The following R3HDM2 variants were observed in gnomAD, a reference collection of about 807,000 sequenced individuals.
The protein encoded by R3HDM2 is R3H domain containing 2, also known as R3H domain-containing protein 2.
In R3HDM2, 38 loss-of-function variants were observed where a neutral mutation model predicts 124.5. That is an observed-to-expected ratio of 0.31 (90% confidence interval 0.24 to 0.40). The LOEUF is 0.40. R3HDM2 is among the 10% of genes least tolerant of loss of function. The pLI is 1.00. For synonymous variants in R3HDM2, 391 were observed against 448.0 expected, an observed-to-expected ratio of 0.87 and a Z score of 1.61; for missense variants, 869 against 1,236.9, an observed-to-expected ratio of 0.70 and a Z score of 4.46.
rs183316672 is a variant in R3HDM2 at position 57,317,212 on chromosome 12, T to G, written c.-35-6749A>C. On this transcript the variant is annotated intron_variant, in intron 2 of 23. Transcript: ENST00000402412. Reference sequence around the variant, plus strand: ...TGTTTTTTTTTGTTTGTTTTTTTGTTTTTTTTTTGAGACAGGGTCTCAGTC... The same window carrying G: ...TGTTTTTTTTTGTTTGTTTTTTTGTGTTTTTTTTGAGACAGGGTCTCAGTC... Among the ~76,000 whole-genome samples the G allele has an allele frequency of 3.5e-4, 53 of 151,148 alleles. 1 individual carries two copies. The East Asian group carries it at 9.5e-3, about 27-fold the overall frequency.
At chr12:57,310,561 CT>C (rs918610493) in intron 2 of R3HDM2, 98 bp from the exon 3 acceptor site, 3 of 560,956 alleles carry the variant, frequency 5.3e-6, no homozygotes, top group Non-Finnish European at 8.0e-6. Flanking sequence ...TTCCAGCAGC[CT>C]TCCTTTAACC....
At chr12:57,289,325 A>ACC (rs1308949502) in intron 11 of R3HDM2, among the ~76,000 whole-genome samples, 3 of 152,242 alleles carry the variant, frequency 2.0e-5, no homozygotes, top group Non-Finnish European at 4.4e-5. Flanking sequence ...GAAAGTATTA[A>ACC]CCTAATTATT....
intron 2 of R3HDM2, among the ~76,000 whole-genome samples, chr12:57,317,102 A>C (rs1015530085): frequency 2.0e-5 from 3 of 151,260 alleles, no homozygotes; most frequent in Non-Finnish European, 4.4e-5. Flanking sequence ...GCCTGGTCTC[A>C]ATCTCTTGAC....
At position 57,372,469 on chromosome 12, in the gene R3HDM2, G is replaced by A. The variant is rs74498496; in HGVS notation, c.-36+23280C>T. Reference sequence around the variant, plus strand: ...TGGATTTCTGTCAACAAATTCCCAAGCTCTTTGCAATAAAGGGTGCTGCTG... The same window carrying A: ...TGGATTTCTGTCAACAAATTCCCAAACTCTTTGCAATAAAGGGTGCTGCTG... On this transcript the variant is annotated intron_variant, in intron 2 of 23. Transcript: ENST00000402412. 9.7e-3 allele frequency among the ~76,000 whole-genome samples: 1,480 copies of A among 152,262 alleles called. 27 individuals are homozygous for A. The highest frequency in any genetic ancestry group is 0.034 in the African/African-American group (1,416 of 41,564).
intron 4 of R3HDM2, among the ~76,000 whole-genome samples, chr12:57,300,784 G>A (rs1592952217): frequency 6.6e-6 from 1 of 152,090 alleles, no homozygotes. Context: ...AGATGCCAAG[G>A]GTTTGGAAAG....
chr12:57,341,940 A>C (rs2059607011), intron 2 of R3HDM2, among the ~76,000 whole-genome samples: 1 of 152,230 alleles, frequency 6.6e-6, no homozygotes, highest in Non-Finnish European at 1.5e-5. Context: ...GAATAGTGTA[A>C]AAGTTCTAGC....
chr12:57,390,893 T>C (rs1428341967), intron 2 of R3HDM2, among the ~76,000 whole-genome samples: 1 of 151,712 alleles, frequency 6.6e-6, no homozygotes, highest in Non-Finnish European at 1.5e-5. Flanking sequence ...TTGCCTGTGA[T>C]CCCAGCTTTT....
intron 1 of R3HDM2, among the ~76,000 whole-genome samples, chr12:57,426,661 ATC>A (rs2070767247): frequency 6.6e-6 from 1 of 152,106 alleles, no homozygotes; most frequent in Non-Finnish European, 1.5e-5. Context: ...GCCACAATAA[ATC>A]TGAGATAAGA....
chr12:57,374,743 T>C (rs2063817050), intron 2 of R3HDM2, among the ~76,000 whole-genome samples: 4 of 129,176 alleles, frequency 3.1e-5, no homozygotes, highest in South Asian at 5.5e-4. Flanking sequence ...CCTGTAATAC[T>C]AGCACTTTGA....
intron 4 of R3HDM2, among the ~76,000 whole-genome samples, chr12:57,302,281 A>C (rs2051375636): frequency 6.6e-6 from 1 of 151,772 alleles, no homozygotes; most frequent in Admixed American, 6.6e-5. Flanking sequence ...TCTCAAAAAG[A>C]AAAGAAAAGA....
At chr12:57,262,107 AG>A (rs2041022734) in intron 19 of R3HDM2, among the ~76,000 whole-genome samples, 1 of 152,202 alleles carries the variant, frequency 6.6e-6, no homozygotes, top group African/African-American at 2.4e-5. Flanking sequence ...ATCTATGGAA[AG>A]GAATTGTTTG....
intron 2 of R3HDM2, among the ~76,000 whole-genome samples, chr12:57,349,241 G>A (rs2060398694): frequency 6.6e-6 from 1 of 151,172 alleles, no homozygotes; most frequent in East Asian, 2.0e-4. Context: ...TTAGCCGGGC[G>A]TGGTGGCAGG....
intron 3 of R3HDM2, among the ~76,000 whole-genome samples, chr12:57,306,445 T>C (rs1170519696): frequency 2.6e-5 from 4 of 151,906 alleles, no homozygotes; most frequent in Non-Finnish European, 4.4e-5. Context: ...AGTCTCGCTC[T>C]GTTGCCAGGC....
intron 2 of R3HDM2, among the ~76,000 whole-genome samples, chr12:57,354,564 G>C (rs530648554): frequency 2.0e-5 from 3 of 152,080 alleles, no homozygotes; most frequent in Non-Finnish European, 4.4e-5. Context: ...AAAGTGCTGG[G>C]ATTACAGGAG....
intron 2 of R3HDM2, among the ~76,000 whole-genome samples, chr12:57,373,834 A>G (rs2063675567): frequency 1.4e-5 from 2 of 147,912 alleles, no homozygotes; most frequent in Non-Finnish European, 3.0e-5. Context: ...AAATAAATAA[A>G]TAATAATAAT....
chr12:57,333,988 G>A (rs950826992), intron 2 of R3HDM2, among the ~76,000 whole-genome samples: 1 of 151,824 alleles, frequency 6.6e-6, no homozygotes, highest in East Asian at 1.9e-4. Flanking sequence ...GCAACGAGCC[G>A]AGACTGCGCC....
intron 14 of R3HDM2, among the ~76,000 whole-genome samples, chr12:57,273,637 G>T (rs983475050): frequency 1.3e-5 from 2 of 152,174 alleles, no homozygotes; most frequent in Non-Finnish European, 2.9e-5. Context: ...ATATGGCAGA[G>T]CTGAGGTTGA....
At chr12:57,299,072 T>G (rs2050529707) in intron 6 of R3HDM2, among the ~76,000 whole-genome samples, 1 of 152,248 alleles carries the variant, frequency 6.6e-6, no homozygotes, top group South Asian at 2.1e-4. Flanking sequence ...ATTATCAATG[T>G]TACCATTATT....
intron 14 of R3HDM2, 27 bp downstream of exon 14, chr12:57,280,331 G>A: frequency 6.3e-7 from 1 of 1,599,146 alleles, no homozygotes; most frequent in South Asian, 1.1e-5. Context: ...AGAGTGGAGA[G>A]GACTCTGACA....
Sources: allele counts gnomAD v4.1 joint callset (sites outside exome capture counted in the v4.1 genomes callset), GRCh38; gene constraint gnomAD v4.1.1; transcripts MANE v1.5; gene names NCBI Gene and HGNC (gene_info 2026-07-23, HGNC 2026-07-21).